The following PPEF1 variants were observed in gnomAD, a reference collection of about 807,000 sequenced individuals.
PPEF1 encodes protein phosphatase with EF-hand domain 1, also known as serine/threonine-protein phosphatase with EF-hands 1.
Under a neutral mutation model 53.3 loss-of-function variants are expected in PPEF1, and 12 were observed. The ratio of observed to expected loss-of-function variants is 0.23; its 90% CI spans 0.14 to 0.36. The LOEUF (loss-of-function observed/expected upper bound fraction) is 0.36, where lower values mean the gene tolerates loss of function less well. Among genes scored for constraint, PPEF1 ranks in the 10% least tolerant of loss-of-function variants. The probability of loss-of-function intolerance (pLI) is 1.00; values close to 1 mark genes in which losing one functional copy is unlikely to be tolerated. For synonymous variants in PPEF1, 165 were observed against 176.7 expected (o/e 0.93, Z 0.52); for missense variants, 334 against 490.4 (o/e 0.68, Z 3.01).
chrX:18,734,528 T>C (rs1279013355), intron 3 of PPEF1, among the ~76,000 whole-genome samples: 1 of 111,322 alleles, frequency 9.0e-6, no homozygotes, highest in Non-Finnish European at 1.9e-5. Context: ...CAGTCTATCA[T>C]TGATGGACAT....
rs1203569137 is a variant in PPEF1, at chrX:18,675,969, G to C, written c.-748G>C. On this transcript the variant is annotated 5_prime_UTR_variant, in exon 1 of 21. Coordinates refer to the PPEF1 transcript ENST00000689646. ...CAATCATTTGGGCGGGGGGGGGGGGGCATCTTTAAGCGCCCAGGTGAACTT... is the reference window on the plus strand; with the variant it reads ...CAATCATTTGGGCGGGGGGGGGGGGCCATCTTTAAGCGCCCAGGTGAACTT... 3.8e-4 allele frequency: 33 copies of C among 86,720 alleles called. 3 individuals are homozygous for C. The East Asian group carries it at 0.015, about 39-fold the overall frequency. 7.1% of individuals were successfully genotyped at this position (86,720 alleles called of 1,213,427 possible).
chrX:18,675,739 C>T (rs953506978), upstream of PPEF1, among the ~76,000 whole-genome samples: 19 of 112,090 alleles, frequency 1.7e-4, no homozygotes, highest in Non-Finnish European at 2.8e-4. Flanking sequence ...GAATTTCACA[C>T]GGTAACAGCA....
chrX:18,759,748 G>A (rs2045620629), intron 5 of PPEF1, among the ~76,000 whole-genome samples: 1 of 111,770 alleles, frequency 8.9e-6, no homozygotes, highest in Non-Finnish European at 1.9e-5. Flanking sequence ...ATAAGTGCTG[G>A]TGATATAGAA....
At chrX:18,755,729 G>A (rs1343856567) in intron 4 of PPEF1, among the ~76,000 whole-genome samples, 1 of 111,366 alleles carries the variant, frequency 9.0e-6, no homozygotes, top group African/African-American at 3.3e-5. Flanking sequence ...CCCAGCCCCT[G>A]GCAATACTAA....
At chrX:18,680,880 C>T (rs769463998), upstream of PPEF1, among the ~76,000 whole-genome samples, 1 of 106,943 alleles carries the variant, frequency 9.4e-6, no homozygotes, top group East Asian at 3.0e-4. Flanking sequence ...GGTTTTTTGT[C>T]CTTGCGATAG....
chrX:18,808,271 A>T (rs1261762441), intron 12 of PPEF1, among the ~76,000 whole-genome samples: 1 of 110,660 alleles, frequency 9.0e-6, no homozygotes. Flanking sequence ...GGCCGTACGT[A>T]TATTTTTTAA....
intron 1 of PPEF1, among the ~76,000 whole-genome samples, chrX:18,709,512 T>G (rs2044274946): frequency 9.2e-6 from 1 of 108,516 alleles, no homozygotes; most frequent in Non-Finnish European, 1.9e-5. Flanking sequence ...GTTTTTTGTT[T>G]TTTTTGAGAC....
upstream of PPEF1, among the ~76,000 whole-genome samples, chrX:18,705,926 A>G (rs932423167): frequency 9.0e-6 from 1 of 111,049 alleles, no homozygotes. Flanking sequence ...TGTAGTACCA[A>G]TGGAAAGATA....
intron 1 of PPEF1, among the ~76,000 whole-genome samples, chrX:18,709,502 G>GTTTTTTTTTTTT (rs752416903): frequency 9.9e-6 from 1 of 101,091 alleles, no homozygotes; most frequent in African/African-American, 3.8e-5. Context: ...TTTGTTTTTT[G>GTTTTTTTTTTTT]TTTTTTGTTT....
upstream of PPEF1, among the ~76,000 whole-genome samples, chrX:18,680,227 G>A (rs966455705): frequency 1.8e-5 from 2 of 110,183 alleles, no homozygotes; most frequent in Non-Finnish European, 3.8e-5. Flanking sequence ...TGCTGCTGCT[G>A]CTGCTCTCAG....
chrX:18,677,502 C>T (rs1190278969), intron 1 of PPEF1, among the ~76,000 whole-genome samples: 2 of 111,992 alleles, frequency 1.8e-5, no homozygotes, highest in Non-Finnish European at 3.8e-5. Context: ...ACTGGTTTCA[C>T]ACTAAATTCA....
intron 1 of PPEF1, among the ~76,000 whole-genome samples, chrX:18,677,956 G>A (rs1433019719): frequency 9.1e-6 from 1 of 110,091 alleles, no homozygotes; most frequent in East Asian, 2.9e-4. Flanking sequence ...CTGGGAGAGG[G>A]GTACTATAGG....
chrX:18,718,738 G>A (rs2147326420), intron 1 of PPEF1, among the ~76,000 whole-genome samples: 1 of 112,279 alleles, frequency 8.9e-6, no homozygotes, highest in East Asian at 2.8e-4. Flanking sequence ...CATGTTAATT[G>A]TTAGGAAATC....
intron 1 of PPEF1, 124 bp downstream of exon 1, chrX:18,707,950 A>T (rs2044237352): frequency 1.7e-6 from 1 of 572,057 alleles, no homozygotes. Context: ...TGCACAAGGC[A>T]TCGTTAGAGT....
At chrX:18,699,228 A>G (rs975366560) in intron 5 of PPEF1, among the ~76,000 whole-genome samples, 2 of 111,223 alleles carry the variant, frequency 1.8e-5, no homozygotes, top group African/African-American at 6.5e-5. Context: ...ATGTTAATAT[A>G]CTAATAGGAC....
rs775488017 is a variant in PPEF1, at chrX:18,715,120, C to T, written c.46+7294C>T. On this transcript the variant is annotated intron_variant, in intron 1 of 15. Transcript: ENST00000470157. ...AGGCGCGGTGACTCACGCCTGTAAT[C>T]CCAACACTTTGAGAGGCGGGTGAAT... is the stretch of plus-strand genomic sequence containing the variant. 3.6e-5 allele frequency among the ~76,000 whole-genome samples: 4 copies of T among 111,981 alleles called. No individual in the cohort carries two copies. The South Asian group carries it at 1.1e-3, about 31-fold the overall frequency.
intron 12 of PPEF1, among the ~76,000 whole-genome samples, chrX:18,811,615 A>ATATT (rs1491146545): frequency 5.5e-3 from 45 of 8,196 alleles, no homozygotes; most frequent in Non-Finnish European, 0.014. Flanking sequence ...ATATATATAT[A>ATATT]TTTTTTTTTT....
At chrX:18,679,295 C>A (rs1316051783), upstream of PPEF1, among the ~76,000 whole-genome samples, 1 of 111,487 alleles carries the variant, frequency 9.0e-6, no homozygotes, top group Non-Finnish European at 1.9e-5. Context: ...CCAGGCTGTT[C>A]TTAAACTCCT....
intron 12 of PPEF1, among the ~76,000 whole-genome samples, chrX:18,817,068 A>ATATGTGTGTGTGTGTGTG (rs1491253769): frequency 5.0e-5 from 5 of 100,098 alleles, no homozygotes; most frequent in African/African-American, 1.5e-4. Flanking sequence ...TCATTTTGCC[A>ATATGTGTGTGTGTGTGTG]TGTGTGTGTG....
Sources: gnomAD v4.1 joint callset for allele counts (sites outside exome capture counted in the v4.1 genomes callset) on GRCh38, gnomAD v4.1.1 for gene constraint, MANE v1.5 for transcripts, NCBI Gene and HGNC (gene_info 2026-07-23, HGNC 2026-07-21) for gene names.